The following MMP20 variants were observed in gnomAD, a reference collection of about 807,000 sequenced individuals.
The protein encoded by MMP20 is matrix metalloproteinase-20.
In MMP20, 50 loss-of-function variants were observed where a neutral mutation model predicts 51.8. The ratio of observed to expected loss-of-function variants is 0.97; its 90% confidence interval spans 0.77 to 1.22. The LOEUF is 1.22. Ranked by LOEUF, MMP20 falls within the 50% of genes most tolerant of loss-of-function variation. The probability of loss-of-function intolerance (pLI) is 0.00; values close to 1 mark genes in which losing one functional copy is unlikely to be tolerated. For missense variants in MMP20, 663 were observed against 601.4 expected, an observed-to-expected ratio of 1.10 and a Z score of -1.07; for synonymous variants, 244 against 216.2, an observed-to-expected ratio of 1.13 and a Z score of -1.13.
At chr11:102,584,562 C>A (rs551042330) in intron 8 of MMP20, among the ~76,000 whole-genome samples, 63 of 152,268 alleles carry the variant, frequency 4.1e-4, no homozygotes, top group Non-Finnish European at 8.2e-4. Flanking sequence ...CATTTCTTCC[C>A]ATTCCCTGGG....
chr11:102,582,276 A>G (rs1855119003), intron 8 of MMP20, among the ~76,000 whole-genome samples: 1 of 152,184 alleles, frequency 6.6e-6, no homozygotes, highest in African/African-American at 2.4e-5. Context: ...TGTCAAGGGC[A>G]TAACTGACTC....
chr11:102,611,095 ATCT>A (rs1354181154), intron 3 of MMP20, among the ~76,000 whole-genome samples: 1 of 152,126 alleles, frequency 6.6e-6, no homozygotes, highest in East Asian at 1.9e-4. Flanking sequence ...GACTTGCTTG[ATCT>A]TCTTTTTTCT....
chr11:102,582,833 G>A (rs1859212664), intron 8 of MMP20, among the ~76,000 whole-genome samples: 1 of 152,150 alleles, frequency 6.6e-6, no homozygotes. Flanking sequence ...AAAAGATGTT[G>A]CAAGTGTTGA....
chr11:102,602,917 G>A (rs1409639858), intron 6 of MMP20, among the ~76,000 whole-genome samples: 1 of 152,176 alleles, frequency 6.6e-6, no homozygotes, highest in Non-Finnish European at 1.5e-5. Flanking sequence ...CTAAGTGACT[G>A]AGGAAATGTG....
At chr11:102,586,423 G>A (rs1008864207) in intron 8 of MMP20, among the ~76,000 whole-genome samples, 2 of 151,770 alleles carry the variant, frequency 1.3e-5, no homozygotes, top group Non-Finnish European at 2.9e-5. Context: ...CTAATTTATT[G>A]GTATACAATT....
intron 6 of MMP20, among the ~76,000 whole-genome samples, chr11:102,596,219 C>T (rs962668955): frequency 2.0e-5 from 3 of 152,146 alleles, no homozygotes; most frequent in Non-Finnish European, 4.4e-5. Flanking sequence ...ATAAAGGTAT[C>T]CCTAATGAGG....
Position 102,609,108 on chromosome 11 carries a change from A to T in MMP20, c.650-10T>A. ...GTAAACAAATTAAAACCTAGACAAT[A>T]TGAGAGAGAAAAAAACAGTATCAAC... On this transcript the variant is annotated splice_polypyrimidine_tract_variant and intron_variant, in intron 4 of 9. Transcript: ENST00000260228. The T allele has an allele frequency of 6.2e-7, 1 of 1,613,912 alleles. No homozygotes were observed. Among genetic ancestry groups the T allele is most frequent in the African/African-American group, 1.3e-5 (1 of 75,060 alleles).
At chr11:102,611,959 G>T (rs1406485764) in intron 2 of MMP20, 56 bp from the exon 3 acceptor site, 6 of 1,515,066 alleles carry the variant, frequency 4.0e-6, no homozygotes, top group South Asian at 1.1e-5. Flanking sequence ...AAGAAGGCAA[G>T]AATTATATGT....
chr11:102,599,596 A>G (rs1160953589), intron 6 of MMP20, among the ~76,000 whole-genome samples: 1 of 152,228 alleles, frequency 6.6e-6, no homozygotes, highest in Non-Finnish European at 1.5e-5. Context: ...TTAAAAAGAC[A>G]TGTTTTTACT....
intron 1 of MMP20, among the ~76,000 whole-genome samples, chr11:102,621,402 G>C (rs1859749381): frequency 6.6e-6 from 1 of 152,176 alleles, no homozygotes; most frequent in South Asian, 2.1e-4. Flanking sequence ...AAAATCCTAG[G>C]TTCTAGTCCA....
intron 8 of MMP20, among the ~76,000 whole-genome samples, chr11:102,585,287 G>A (rs548785918): frequency 6.6e-6 from 1 of 152,094 alleles, no homozygotes; most frequent in South Asian, 2.1e-4. Flanking sequence ...ACAATGTTTT[G>A]TAGTTTTCAG....
At position 102,617,007 on chromosome 11, in the gene MMP20, A is replaced by G. The variant is rs1259250165; in HGVS notation, c.179T>C (p.Met60Thr). The change falls in exon 2 of 10, where the codon ATG (methionine) becomes ACG (threonine). Residue 60 changes from methionine (M) to threonine (T), a missense_variant. Coordinates refer to ENST00000260228, the MANE Select transcript of MMP20 (RefSeq NM_004771.4). ...TNKEGHQIGEMVARGSNSMIR... is the reference protein window; with the variant it reads ...TNKEGHQIGETVARGSNSMIR... ...CATGGAATTGCTTCCTCTTGCAACC[A>G]TCTCACCAATCTGGTGTCCTTCTTT... is the stretch of plus-strand genomic sequence containing the variant. The G allele has an allele frequency of 3.9e-5, 63 of 1,614,150 alleles. No homozygotes were observed. The highest frequency in any genetic ancestry group is 5.0e-5 in the Admixed American group (3 of 60,024).
Position 102,593,539 on chromosome 11 carries a change from A to G in MMP20, c.1147T>C (p.Tyr383His). 1 of 1,614,140 alleles carries G rather than the reference A, an allele frequency of 6.2e-7. No individual in the cohort carries two copies. Among genetic ancestry groups the G allele is most frequent in the Non-Finnish European group, 8.5e-7 (1 of 1,179,986 alleles). Residue 383 changes from tyrosine (Y) to histidine (H), a missense_variant, in exon 8 of 10, where the codon TAT becomes CAT. Tyr to His is a moderately conservative substitution (Grantham distance 83, BLOSUM62 2). Coordinates refer to ENST00000260228, the MANE Select transcript of MMP20 (RefSeq NM_004771.4). Reference sequence around the variant, plus strand: ...ACGTGCCTTGGAAATCCAAAGTCATAAATAGTCCGAGGAGGACCTTGCATT... The same window carrying G: ...ACGTGCCTTGGAAATCCAAAGTCATGAATAGTCCGAGGAGGACCTTGCATT... ...FQMQGPPRTI[Y>H]DFGFPRHVQQ...
At chr11:102,585,431 A>G (rs1859243483) in intron 8 of MMP20, among the ~76,000 whole-genome samples, 1 of 152,190 alleles carries the variant, frequency 6.6e-6, no homozygotes, top group Non-Finnish European at 1.5e-5. Context: ...TAAAAACACA[A>G]TTGATTAACA....
At chr11:102,604,289 C>T (rs1308845574) in intron 6 of MMP20, among the ~76,000 whole-genome samples, 1 of 152,146 alleles carries the variant, frequency 6.6e-6, no homozygotes, top group Non-Finnish European at 1.5e-5. Flanking sequence ...GCTCCTCCTG[C>T]CCTGCCTGGT....
chr11:102,624,165 G>T (rs577121911), intron 1 of MMP20, among the ~76,000 whole-genome samples: 1 of 152,170 alleles, frequency 6.6e-6, no homozygotes, highest in Non-Finnish European at 1.5e-5. Context: ...TCAGCTCTAC[G>T]ATGCAGACAG....
At chr11:102,620,607 T>C (rs1288255503) in intron 1 of MMP20, among the ~76,000 whole-genome samples, 4 of 152,220 alleles carry the variant, frequency 2.6e-5, no homozygotes, top group African/African-American at 9.6e-5. Flanking sequence ...GTTCCATTCC[T>C]GCAGGCTAGC....
At chr11:102,586,572 G>T (rs1222001376) in intron 8 of MMP20, among the ~76,000 whole-genome samples, 2 of 152,040 alleles carry the variant, frequency 1.3e-5, no homozygotes, top group East Asian at 3.9e-4. Context: ...CCAGCATTTT[G>T]TGAGGCTGAG....
intron 6 of MMP20, among the ~76,000 whole-genome samples, chr11:102,601,999 GAGT>G (rs2135937837): frequency 6.8e-6 from 1 of 147,272 alleles, no homozygotes; most frequent in African/African-American, 2.5e-5. Flanking sequence ...GCCCAGGCTG[GAGT>G]GCAGTGGCGC....
Sources: allele counts gnomAD v4.1 joint callset (sites outside exome capture counted in the v4.1 genomes callset), GRCh38; gene constraint gnomAD v4.1.1; transcripts MANE v1.5; gene names NCBI Gene and HGNC (gene_info 2026-07-23, HGNC 2026-07-21).